The following HS2ST1 variants were observed in gnomAD, a reference collection of about 807,000 sequenced individuals.
HS2ST1 encodes the protein heparan sulfate 2-O-sulfotransferase 1, also known as 2-O-sulfotransferase.
Under a neutral mutation model 42.9 loss-of-function variants are expected in HS2ST1, and 18 were observed. The ratio of observed to expected loss-of-function variants is 0.42; its 90% CI spans 0.29 to 0.62. The LOEUF (loss-of-function observed/expected upper bound fraction) is 0.62. Ranked by LOEUF, HS2ST1 falls within the 20% of genes least tolerant of loss-of-function variation. The probability of loss-of-function intolerance (pLI) is 0.21; values close to 1 mark genes in which losing one functional copy is unlikely to be tolerated. For synonymous variants in HS2ST1, 146 were observed against 152.9 expected, an observed-to-expected ratio of 0.95 and a Z score of 0.33; for missense variants, 334 against 433.8, an observed-to-expected ratio of 0.77 and a Z score of 2.04.
intron 1 of HS2ST1, among the ~76,000 whole-genome samples, chr1:86,922,303 T>C (rs767808078): frequency 9.2e-5 from 14 of 151,906 alleles, no homozygotes; most frequent in Non-Finnish European, 1.6e-4. Context: ...CTTCTATACA[T>C]GAGTCCTACA....
rs574120165 is a variant in HS2ST1 at position 87,103,142 on chromosome 1, G to A, written c.687-290G>A. ...ACACACTAAATCATATGGGAGGGGT[G>A]TATGTTTCTTATATCCATATACATT... On this transcript the variant is annotated intron_variant, in intron 5 of 6. Coordinates refer to ENST00000370550, the MANE Select transcript of HS2ST1 (RefSeq NM_012262.4). Among the ~76,000 whole-genome samples the A allele has an allele frequency of 1.2e-3, 183 of 152,294 alleles. 1 individual carries two copies. Among genetic ancestry groups the A allele is most frequent in the African/African-American group, 4.1e-3 (172 of 41,576 alleles).
chr1:86,965,228 C>G (rs1200830949), intron 1 of HS2ST1, among the ~76,000 whole-genome samples: 2 of 152,086 alleles, frequency 1.3e-5, no homozygotes, highest in Non-Finnish European at 2.9e-5. Context: ...TCTACTGGCT[C>G]TCTCTTGTTC....
At chr1:87,049,949 G>A (rs1650791999) in intron 1 of HS2ST1, among the ~76,000 whole-genome samples, 1 of 151,838 alleles carries the variant, frequency 6.6e-6, no homozygotes, top group Non-Finnish European at 1.5e-5. Context: ...AAATTGTTTA[G>A]GATTGTTATG....
At chr1:87,029,691 A>C (rs1248046306) in intron 1 of HS2ST1, among the ~76,000 whole-genome samples, 1 of 152,146 alleles carries the variant, frequency 6.6e-6, no homozygotes, top group Non-Finnish European at 1.5e-5. Context: ...TGTGAAATCT[A>C]CAGGAATAAA....
At chr1:87,045,196 T>C (rs921285479) in intron 1 of HS2ST1, 2 of 933,356 alleles carry the variant, frequency 2.1e-6, no homozygotes, top group Non-Finnish European at 3.6e-6. Context: ...GGCCCCACTT[T>C]TTCTGGGGCA....
intron 5 of HS2ST1, among the ~76,000 whole-genome samples, chr1:87,100,775 G>T (rs1045182887): frequency 2.6e-5 from 4 of 152,114 alleles, no homozygotes; most frequent in Non-Finnish European, 4.4e-5. Context: ...CATAAAGTTA[G>T]CCAGGTGTGG....
chr1:87,045,831 G>T, intron 1 of HS2ST1: 2 of 753,992 alleles, frequency 2.7e-6, no homozygotes, highest in South Asian at 1.4e-5. Flanking sequence ...TGTGAGCTCA[G>T]CTCCATCCCC....
At chr1:87,061,919 CTTT>C (rs535755288) in intron 1 of HS2ST1, among the ~76,000 whole-genome samples, 6 of 141,858 alleles carry the variant, frequency 4.2e-5, no homozygotes, top group Non-Finnish European at 7.8e-5. Context: ...ATTCTTTTCT[CTTT>C]TTTTTTTTTT....
rs1475721640 is a variant in HS2ST1, at chr1:87,106,709, A to G, written c.*2013A>G. ...TTGGCTTTTTTCTTTCCTTTTTTCA[A>G]ATTGACTTTTATAGGTATTTCCTGA... is the stretch of plus-strand genomic sequence containing the variant. On this transcript the variant is annotated 3_prime_UTR_variant, in exon 7 of 7. Transcript: ENST00000370550. 2 of 151,984 alleles carry G rather than the reference A, an allele frequency of 1.3e-5. No homozygotes were observed. Among genetic ancestry groups the G allele is most frequent in the Non-Finnish European group, 2.9e-5 (2 of 67,914 alleles). The allele number at this position is 151,984 out of a possible 1,614,324, so 9.4% of individuals were successfully genotyped here.
intron 1 of HS2ST1, among the ~76,000 whole-genome samples, chr1:86,961,635 T>C (rs968542395): frequency 2.0e-5 from 3 of 152,200 alleles, no homozygotes; most frequent in African/African-American, 7.2e-5. Context: ...CAAATAATCA[T>C]TGTCAAATGT....
chr1:87,037,009 A>G (rs1650391259), intron 1 of HS2ST1, among the ~76,000 whole-genome samples: 1 of 152,158 alleles, frequency 6.6e-6, no homozygotes. Flanking sequence ...ACCTTAGGTA[A>G]TAAAGTGCTA....
chr1:86,917,376 G>A (rs375426892), intron 1 of HS2ST1, among the ~76,000 whole-genome samples: 1 of 152,042 alleles, frequency 6.6e-6, no homozygotes, highest in African/African-American at 2.4e-5. Flanking sequence ...AAAATTAGTC[G>A]GGCGGGGTGG....
At chr1:87,030,034 C>A (rs1395525850) in intron 1 of HS2ST1, among the ~76,000 whole-genome samples, 1 of 152,140 alleles carries the variant, frequency 6.6e-6, no homozygotes, top group African/African-American at 2.4e-5. Context: ...CTAGCACTTA[C>A]AAATATTAAT....
chr1:87,020,312 A>G (rs1001016076), intron 1 of HS2ST1, among the ~76,000 whole-genome samples: 2 of 152,186 alleles, frequency 1.3e-5, no homozygotes, highest in African/African-American at 4.8e-5. Flanking sequence ...CTCACAGTGT[A>G]TATTTGCCTC....
chr1:86,968,299 T>C (rs1486133133), intron 1 of HS2ST1, among the ~76,000 whole-genome samples: 1 of 152,194 alleles, frequency 6.6e-6, no homozygotes, highest in Non-Finnish European at 1.5e-5. Context: ...TGATGTGGGA[T>C]TTATTTATTT....
chr1:87,079,295 G>T (rs575459768), intron 2 of HS2ST1, among the ~76,000 whole-genome samples: 1 of 151,884 alleles, frequency 6.6e-6, no homozygotes, highest in African/African-American at 2.4e-5. Flanking sequence ...GAGCCACCAC[G>T]CCTGGCTAAT....
At chr1:87,021,251 A>T (rs1228916076) in intron 1 of HS2ST1, among the ~76,000 whole-genome samples, 1 of 152,154 alleles carries the variant, frequency 6.6e-6, no homozygotes, top group East Asian at 1.9e-4. Context: ...TCTCACTCCC[A>T]GAATATATTT....
At chr1:87,074,769 A>G (rs1651496517) in intron 2 of HS2ST1, among the ~76,000 whole-genome samples, 1 of 152,206 alleles carries the variant, frequency 6.6e-6, no homozygotes, top group Non-Finnish European at 1.5e-5. Flanking sequence ...CACTTAAAAA[A>G]TGTTTGTGTG....
At chr1:87,022,078 T>C (rs1431236252) in intron 1 of HS2ST1, among the ~76,000 whole-genome samples, 1 of 152,168 alleles carries the variant, frequency 6.6e-6, no homozygotes, top group Non-Finnish European at 1.5e-5. Flanking sequence ...AAAGGAAAAT[T>C]AGTAGAATGG....
Sources: gnomAD v4.1 joint callset for allele counts (sites outside exome capture counted in the v4.1 genomes callset) on GRCh38, gnomAD v4.1.1 for gene constraint, MANE v1.5 for transcripts, NCBI Gene and HGNC (gene_info 2026-07-23, HGNC 2026-07-21) for gene names.